The following PEBP4 variants were observed in gnomAD, a reference collection of about 807,000 sequenced individuals.
PEBP4 encodes phosphatidylethanolamine binding protein 4.
A neutral mutation model predicts 23.9 loss-of-function variants in PEBP4; 22 were observed. The observed-to-expected ratio is 0.92, with a 90% CI of 0.66 to 1.31. The LOEUF (loss-of-function observed/expected upper bound fraction) is 1.31, where lower values mean the gene tolerates loss of function less well. Ranked by LOEUF, PEBP4 falls within the 40% of genes most tolerant of loss-of-function variation. The probability of loss-of-function intolerance (pLI) is 0.00; values close to 1 mark genes in which losing one functional copy is unlikely to be tolerated. For synonymous variants in PEBP4, 112 were observed against 99.3 expected (o/e 1.13, Z -0.76); for missense variants, 324 against 281.7 (o/e 1.15, Z -1.07).
At chr8:22,883,134 C>T (rs773291098) in intron 3 of PEBP4, among the ~76,000 whole-genome samples, 1 of 152,198 alleles carries the variant, frequency 6.6e-6, no homozygotes, top group African/African-American at 2.4e-5. Flanking sequence ...CCGACACCAT[C>T]AAAACAACAG....
At chr8:22,774,370 A>G (rs1258503326) in intron 4 of PEBP4, among the ~76,000 whole-genome samples, 1 of 152,224 alleles carries the variant, frequency 6.6e-6, no homozygotes, top group African/African-American at 2.4e-5. Context: ...AGGGAGGGCT[A>G]TGTTTAACCC....
intron 3 of PEBP4, among the ~76,000 whole-genome samples, chr8:22,918,452 C>T (rs1026504688): frequency 2.0e-5 from 3 of 152,172 alleles, no homozygotes; most frequent in Non-Finnish European, 4.4e-5. Flanking sequence ...TGGGTGATGT[C>T]GTCTTTGTGT....
intron 2 of PEBP4, among the ~76,000 whole-genome samples, chr8:22,923,622 T>C (rs1809257723): frequency 6.6e-6 from 1 of 152,128 alleles, no homozygotes; most frequent in African/African-American, 2.4e-5. Context: ...GGCTTAGAAT[T>C]TCAGCTGCCC....
At chr8:22,793,432 C>G (rs1285061892) in intron 4 of PEBP4, among the ~76,000 whole-genome samples, 1 of 88,902 alleles carries the variant, frequency 1.1e-5, no homozygotes, top group Non-Finnish European at 2.3e-5. Flanking sequence ...ACGCCCAGCT[C>G]ATTTTTTTTT....
chr8:22,871,048 C>T (rs1186650495), intron 3 of PEBP4, among the ~76,000 whole-genome samples: 2 of 152,164 alleles, frequency 1.3e-5, no homozygotes, highest in South Asian at 2.1e-4. Context: ...TATTGCTACG[C>T]CTGACCCCCA....
intron 4 of PEBP4, among the ~76,000 whole-genome samples, chr8:22,801,715 T>C (rs1358761300): frequency 1.3e-5 from 2 of 152,058 alleles, no homozygotes; most frequent in Non-Finnish European, 2.9e-5. Flanking sequence ...AATGCACACA[T>C]GCATGCACAC....
intron 3 of PEBP4, among the ~76,000 whole-genome samples, chr8:22,868,501 T>G (rs954658949): frequency 2.1e-4 from 32 of 152,096 alleles, no homozygotes; most frequent in African/African-American, 7.7e-4. Flanking sequence ...CCCACAGAAC[T>G]CAGCCCAATT....
At chr8:22,912,718 G>C (rs17088762) in intron 3 of PEBP4, among the ~76,000 whole-genome samples, 31,002 of 152,186 alleles carry the variant, frequency 0.2, 3,365 homozygotes, top group Middle Eastern at 0.26. Flanking sequence ...TAGAAATGCT[G>C]ACAATCCTCA....
At chr8:22,805,477 C>A (rs1241151825) in intron 4 of PEBP4, among the ~76,000 whole-genome samples, 2 of 152,232 alleles carry the variant, frequency 1.3e-5, no homozygotes, top group African/African-American at 4.8e-5. Context: ...CAGGCATGCG[C>A]CACCATGCCC....
intron 3 of PEBP4, among the ~76,000 whole-genome samples, chr8:22,873,580 C>A (rs560633820): frequency 6.6e-6 from 1 of 152,056 alleles, no homozygotes; most frequent in African/African-American, 2.4e-5. Flanking sequence ...TGCAGTGAGC[C>A]GTGATTGTGC....
chr8:22,877,664 TCCC>T (rs1359684795), intron 3 of PEBP4, among the ~76,000 whole-genome samples: 4 of 3,676 alleles, frequency 1.1e-3, no homozygotes, highest in African/African-American at 3.2e-3. Flanking sequence ...CCACCCCACC[TCCC>T]CACCTCCCCC....
intron 4 of PEBP4, among the ~76,000 whole-genome samples, chr8:22,804,660 G>A (rs991175598): frequency 4.6e-5 from 7 of 151,766 alleles, no homozygotes; most frequent in African/African-American, 1.7e-4. Flanking sequence ...TCCTCCCTTC[G>A]CCCAGATGCA....
At position 22,919,998 on chromosome 8, in the gene PEBP4, A is replaced by G. The variant is rs371642805; in HGVS notation, c.258+186T>C. On this transcript the variant is annotated intron_variant, in intron 3 of 6. Coordinates refer to ENST00000256404, the MANE Select transcript of PEBP4 (RefSeq NM_144962.3). ...GTTTCCAGTCTGCAGCCCTCCCACC[A>G]GCCCCCAGCCTTCTCCTCAAGTCCA... Among the ~76,000 whole-genome samples the G allele has an allele frequency of 3.8e-4, 58 of 152,122 alleles. 1 individual carries two copies. Among genetic ancestry groups the G allele is most frequent in the East Asian group, 3.5e-3 (18 of 5,172 alleles).
intron 3 of PEBP4, among the ~76,000 whole-genome samples, chr8:22,825,358 C>A (rs150371997): frequency 0.01 from 1,529 of 152,270 alleles, 19 homozygotes; most frequent in African/African-American, 0.035. Flanking sequence ...CCATGGCAGC[C>A]CATTCTTTAA....
chr8:22,877,442 C>G (rs1357295149), intron 3 of PEBP4, among the ~76,000 whole-genome samples: 1 of 152,168 alleles, frequency 6.6e-6, no homozygotes, highest in Non-Finnish European at 1.5e-5. Flanking sequence ...TCCAGTAGCC[C>G]AGCACGACCC....
rs1804354544 is a variant in PEBP4, at chr8:22,713,618, GGCTCGTGGGA to G, written c.518-92_518-83del. 1.9e-6 allele frequency: 3 copies of G among 1,588,408 alleles called. No individual in the cohort carries two copies. In the Admixed American group the frequency reaches 5.2e-5, roughly 27 times the overall value. Reference sequence around the variant, plus strand: ...CTGGCAGGGGCCTGAGAGGGAGGCCGGCTCGTGGGAGCCGAGGCAGCAGGTGATGCGATGG... The same window carrying G: ...CTGGCAGGGGCCTGAGAGGGAGGCCGGCCGAGGCAGCAGGTGATGCGATGG... On this transcript the variant is annotated intron_variant, in intron 6 of 6. Coordinates refer to ENST00000256404, the MANE Select transcript of PEBP4 (RefSeq NM_144962.3).
At chr8:22,800,549 C>T (rs750150233) in intron 4 of PEBP4, among the ~76,000 whole-genome samples, 2 of 152,112 alleles carry the variant, frequency 1.3e-5, no homozygotes, top group Non-Finnish European at 2.9e-5. Context: ...ATAAATGTCC[C>T]CTCATTGCTG....
intron 4 of PEBP4, among the ~76,000 whole-genome samples, chr8:22,760,376 A>G (rs1260875216): frequency 1.3e-5 from 2 of 152,094 alleles, no homozygotes; most frequent in African/African-American, 2.4e-5. Context: ...TTAAACGTTT[A>G]TGGGTCTGGT....
intron 3 of PEBP4, among the ~76,000 whole-genome samples, chr8:22,876,121 G>A (rs907056816): frequency 6.6e-6 from 1 of 152,072 alleles, no homozygotes; most frequent in African/African-American, 2.4e-5. Context: ...ATGTTGCCCA[G>A]GCTGGTCTAG....
Sources: gnomAD v4.1 joint callset for allele counts (sites outside exome capture counted in the v4.1 genomes callset) on GRCh38, gnomAD v4.1.1 for gene constraint, MANE v1.5 for transcripts, NCBI Gene and HGNC (gene_info 2026-07-23, HGNC 2026-07-21) for gene names.